COL28A1: variants seen among roughly 807,000 people sequenced by gnomAD.
The protein encoded by COL28A1 is collagen type XXVIII alpha 1 chain.
A neutral mutation model predicts 150.2 loss-of-function variants in COL28A1; 161 were observed. The ratio of observed to expected loss-of-function variants is 1.07; its 90% CI spans 0.94 to 1.22. COL28A1 has a LOEUF of 1.22. COL28A1 is among the 50% of genes most tolerant of loss of function. COL28A1 has a pLI of 0.00. For missense variants in COL28A1, 1,617 were observed against 1,388.3 expected, an observed-to-expected ratio of 1.16 and a Z score of -2.62; for synonymous variants, 552 against 469.7, an observed-to-expected ratio of 1.18 and a Z score of -2.26.
the COL28A1 span, among the ~76,000 whole-genome samples, chr7:7,350,222 C>T: frequency 6.6e-6 from 1 of 151,970 alleles, no homozygotes; most frequent in Non-Finnish European, 1.5e-5. Flanking sequence ...GTAAGATAGA[C>T]CAGACCCACT....
At chr7:7,489,485 G>C (rs770603185) in intron 12 of COL28A1, 28 bp from the exon 13 acceptor site, 4 of 983,654 alleles carry the variant, frequency 4.1e-6, no homozygotes, top group Non-Finnish European at 6.6e-6. Context: ...TAGAATGAAA[G>C]CTTGAGATTT....
At chr7:7,352,182 A>G (rs575570104), downstream of COL28A1, among the ~76,000 whole-genome samples, 3 of 152,122 alleles carry the variant, frequency 2.0e-5, no homozygotes, top group South Asian at 6.2e-4. Flanking sequence ...GTAGCTCATT[A>G]TTTCTGTAAT....
chr7:7,512,633 G>C (rs1457711306), intron 8 of COL28A1, among the ~76,000 whole-genome samples: 1 of 152,124 alleles, frequency 6.6e-6, no homozygotes, highest in African/African-American at 2.4e-5. Flanking sequence ...GTGACAGTCA[G>C]AAAAATGACT....
rs796101621 is a variant in COL28A1 at position 7,450,762 on chromosome 7, T to C, written c.1509+1557A>G. On this transcript the variant is annotated intron_variant, in intron 18 of 34. Transcript: ENST00000399429. ...GCATTGTTGGCAAAAGCAAAAAGAA[T>C]GACAAGCAATTTAAATATCCACCAT... is the stretch of plus-strand genomic sequence containing the variant. Among the ~76,000 whole-genome samples the C allele has an allele frequency of 2.4e-4, 36 of 152,196 alleles. 1 individual carries two copies. The highest frequency in any genetic ancestry group is 8.4e-4 in the African/African-American group (35 of 41,556).
intron 10 of COL28A1, among the ~76,000 whole-genome samples, 158 bp downstream of exon 10, chr7:7,506,959 A>C (rs1241970306): frequency 2.6e-5 from 4 of 152,188 alleles, no homozygotes. Flanking sequence ...TTTATTGCAC[A>C]TTGTAATCTT....
intron 27 of COL28A1, among the ~76,000 whole-genome samples, chr7:7,415,466 G>A (rs1784019803): frequency 6.6e-6 from 1 of 152,164 alleles, no homozygotes; most frequent in African/African-American, 2.4e-5. Flanking sequence ...AAGTCCTGAG[G>A]GACGAACCTC....
intron 25 of COL28A1, among the ~76,000 whole-genome samples, chr7:7,424,610 T>C (rs1784553829): frequency 1.3e-5 from 2 of 152,276 alleles, no homozygotes; most frequent in South Asian, 4.2e-4. Context: ...TATTAGGAGA[T>C]AATGAACAGA....
Position 7,432,678 on chromosome 7 carries a change from G to T in COL28A1, c.1883C>A (p.Pro628Gln). 2 of 1,613,802 alleles carry T rather than the reference G, an allele frequency of 1.2e-6. No homozygotes were observed. Among genetic ancestry groups the T allele is most frequent in the African/African-American group, 2.7e-5 (2 of 74,996 alleles). ...ACCTTTGAGTCCTGGAGCACCCACT[G>T]GTCCCCGAGGGCCTTGGACACCCTG... is the stretch of plus-strand genomic sequence containing the variant. The part of the protein sequence containing the change: ...GPKGVQGPRG[P>Q]VGAPGLKGDG... The change falls in exon 24 of 35, where the codon CCA (proline) becomes CAA (glutamine). Residue 628 changes from proline (P) to glutamine (Q), a missense_variant. By Grantham distance (76) the Pro-to-Gln change is moderately conservative. Transcript: ENST00000399429.
chr7:7,522,791 A>C (rs1781797924), intron 4 of COL28A1, among the ~76,000 whole-genome samples: 1 of 143,508 alleles, frequency 7.0e-6, no homozygotes, highest in Non-Finnish European at 1.5e-5. Context: ...ACTAACACTA[A>C]CGATAGCTGA....
intron 11 of COL28A1, 25 bp downstream of exon 11, chr7:7,505,989 G>C: frequency 9.0e-7 from 1 of 1,110,388 alleles, no homozygotes; most frequent in Non-Finnish European, 1.4e-6. Context: ...CACTCTGCCT[G>C]TCTTTAATCA....
At chr7:7,401,868 CGTTCCTCAAAT>C (rs1783226119) in intron 27 of COL28A1, among the ~76,000 whole-genome samples, 2 of 152,162 alleles carry the variant, frequency 1.3e-5, no homozygotes, top group African/African-American at 4.8e-5. Flanking sequence ...TTGTCACTGA[CGTTCCTCAAAT>C]ATGGCAGGCA....
Position 7,435,298 on chromosome 7 carries a change from G to T in COL28A1, c.1860+1097C>A, listed in dbSNP as rs908519558. On this transcript the variant is annotated intron_variant, in intron 23 of 34. Coordinates refer to ENST00000399429, the MANE Select transcript of COL28A1 (RefSeq NM_001037763.3). ...TTGTCATGCAAATATAATTGATCAA[G>T]GTCATAGCTGCAGTTTTCAAATTAG... Among the ~76,000 whole-genome samples the T allele has an allele frequency of 9.2e-5, 14 of 152,192 alleles. 1 individual carries two copies. The highest frequency in any genetic ancestry group is 3.4e-4 in the African/African-American group (14 of 41,450).
intron 27 of COL28A1, among the ~76,000 whole-genome samples, chr7:7,399,786 A>T (rs1783064814): frequency 6.6e-6 from 1 of 152,232 alleles, no homozygotes; most frequent in East Asian, 1.9e-4. Context: ...ATTCTGCGGC[A>T]CTGTCATCTG....
chr7:7,381,195 T>C (rs1008152188), intron 28 of COL28A1, among the ~76,000 whole-genome samples: 6 of 152,148 alleles, frequency 3.9e-5, no homozygotes, highest in African/African-American at 1.4e-4. Context: ...GTTGTAAGTA[T>C]GTTGTAAGAT....
At chr7:7,413,831 T>A (rs953876005) in intron 27 of COL28A1, among the ~76,000 whole-genome samples, 4 of 152,206 alleles carry the variant, frequency 2.6e-5, no homozygotes, top group Admixed American at 2.6e-4. Context: ...GGCAGTGGCA[T>A]AGAAGCTAAT....
chr7:7,524,400 A>G lies in COL28A1; in HGVS notation c.682-151T>C, dbSNP rs1028724317. Reference sequence around the variant, plus strand: ...ACTTGTAAAAGCAATAAAACCAACCAGCCAACCACCCAAGGAGCAGTCCGA... The same window carrying G: ...ACTTGTAAAAGCAATAAAACCAACCGGCCAACCACCCAAGGAGCAGTCCGA... On this transcript the variant is annotated intron_variant, in intron 3 of 34. Transcript: ENST00000399429. 9.7e-6 allele frequency: 6 copies of G among 616,398 alleles called. No homozygotes were observed. In the East Asian group the frequency reaches 1.6e-4, roughly 16 times the overall value. The allele number at this position is 616,398 out of a possible 1,614,324, so 38.2% of individuals were successfully genotyped here. A position where few individuals can be genotyped will look rare whatever the true frequency, so the allele number is the denominator to read the frequency against.
At chr7:7,484,894 T>C (rs1779538713) in intron 13 of COL28A1, among the ~76,000 whole-genome samples, 1 of 152,182 alleles carries the variant, frequency 6.6e-6, no homozygotes, top group African/African-American at 2.4e-5. Context: ...AAATACTGCA[T>C]GTTCTTACCT....
chr7:7,421,331 G>C (rs1242397834), intron 25 of COL28A1, among the ~76,000 whole-genome samples: 2 of 152,172 alleles, frequency 1.3e-5, no homozygotes, highest in African/African-American at 4.8e-5. Flanking sequence ...ATGGTCGTGA[G>C]GGATTTTACT....
chr7:7,344,699 G>T, the COL28A1 span, among the ~76,000 whole-genome samples: 12 of 152,120 alleles, frequency 7.9e-5, no homozygotes, highest in East Asian at 2.3e-3. Context: ...CTAGTGGGTA[G>T]AAGCTAGGGA....
Sources: gnomAD v4.1 joint callset for allele counts (sites outside exome capture counted in the v4.1 genomes callset) on GRCh38, gnomAD v4.1.1 for gene constraint, MANE v1.5 for transcripts, NCBI Gene and HGNC (gene_info 2026-07-23, HGNC 2026-07-21) for gene names.